Variants in MAGI2 observed in about 807,000 individuals in gnomAD.
MAGI2 encodes the protein membrane associated guanylate kinase, WW and PDZ domain containing 2, also known as membrane-associated guanylate kinase, WW and PDZ domain-containing protein 2.
A neutral mutation model predicts 133.3 loss-of-function variants in MAGI2; 35 were observed. The observed-to-expected ratio is 0.26, with a 90% CI of 0.20 to 0.35. The LOEUF is 0.35. Among genes scored for constraint, MAGI2 ranks in the 10% least tolerant of loss-of-function variants. The probability of loss-of-function intolerance (pLI) is 1.00; values close to 1 mark genes in which losing one functional copy is unlikely to be tolerated. For synonymous variants in MAGI2, 729 were observed against 710.6 expected, an observed-to-expected ratio of 1.03 and a Z score of -0.41; for missense variants, 1,636 against 1,863.4, an observed-to-expected ratio of 0.88 and a Z score of 2.25.
chr7:78,275,180 G>A (rs1794943499), intron 9 of MAGI2, among the ~76,000 whole-genome samples: 1 of 152,134 alleles, frequency 6.6e-6, no homozygotes, highest in Admixed American at 6.5e-5. Context: ...GTCTCTCATG[G>A]CTTCCCTTGG....
At chr7:78,808,965 C>T (rs563769244) in intron 2 of MAGI2, among the ~76,000 whole-genome samples, 4 of 152,346 alleles carry the variant, frequency 2.6e-5, no homozygotes, top group South Asian at 2.1e-4. Context: ...TCACTGCCTA[C>T]AGTCAATTAA....
Position 79,032,869 on chromosome 7 carries a change from A to G in MAGI2, c.302-25663T>C, listed in dbSNP as rs1461198545. On this transcript the variant is annotated intron_variant, in intron 1 of 21. Transcript: ENST00000354212. ...TCTGAAATCACTGTAACATTTCCAG[A>G]GGTCTTTTAAAGTTCTTTTGAGAAG... Among the ~76,000 whole-genome samples, 4 of 151,562 alleles carry G rather than the reference A, an allele frequency of 2.6e-5. No individual in the cohort carries two copies. The South Asian group carries it at 8.3e-4, about 31-fold the overall frequency.
rs774906968 is a variant in MAGI2, at chr7:78,201,207, A to C, written c.2048-14T>G. The C allele has an allele frequency of 7.0e-7, 1 of 1,427,908 alleles. No individual in the cohort carries two copies. Among genetic ancestry groups the C allele is most frequent in the Non-Finnish European group, 9.3e-7 (1 of 1,071,676 alleles). 88.5% of individuals were successfully genotyped at this position (1,427,908 alleles called of 1,614,324 possible). A position where few individuals can be genotyped will look rare whatever the true frequency, so the allele number is the denominator to read the frequency against. On this transcript the variant is annotated splice_polypyrimidine_tract_variant and intron_variant, in intron 10 of 21. Transcript: ENST00000354212. ...GAGAAAAGAAACCTGTAATAAAGAA[A>C]ACAATATTTGAACTTTGAAAATATT...
At chr7:78,085,577 C>CAT in intron 20 of MAGI2, among the ~76,000 whole-genome samples, 1 of 143,568 alleles carries the variant, frequency 7.0e-6, no homozygotes, top group Non-Finnish European at 1.5e-5. Context: ...CACACACACA[C>CAT]ACACAAACAA....
Position 78,167,926 on chromosome 7 carries a change from C to A in MAGI2, c.2586G>T (p.Val862=). ...GQVNLTVRRK[V]LCGGEPCPEN... The stretch of plus-strand genomic sequence containing the variant: ...GCTCCAGGTACATACCTCCACATAG[C>A]ACCTTTCTTCTCACAGTGAGGTTGA... The change falls in exon 15 of 22, where the codon GTG becomes GTT. Residue 862 remains valine, a synonymous_variant. Transcript: ENST00000354212. The A allele has an allele frequency of 6.2e-7, 1 of 1,614,002 alleles. No homozygotes were observed. Among genetic ancestry groups the A allele is most frequent in the Non-Finnish European group, 8.5e-7 (1 of 1,179,880 alleles).
intron 7 of MAGI2, among the ~76,000 whole-genome samples, chr7:78,361,542 G>A (rs1373542957): frequency 1.3e-5 from 2 of 151,928 alleles, no homozygotes; most frequent in Admixed American, 6.6e-5. Context: ...TTGGCTTTAG[G>A]ACAAAGAAAA....
intron 1 of MAGI2, among the ~76,000 whole-genome samples, chr7:79,207,203 C>T (rs1339651089): frequency 4.6e-5 from 7 of 151,862 alleles, no homozygotes. Context: ...CAATACAGTA[C>T]TGCACGTTCT....
At chr7:78,357,355 ATTTT>A (rs1323325928) in intron 7 of MAGI2, among the ~76,000 whole-genome samples, 2 of 152,122 alleles carry the variant, frequency 1.3e-5, no homozygotes, top group Admixed American at 1.3e-4. Context: ...AGCTATTAAT[ATTTT>A]TTTCTCTGGG....
intron 2 of MAGI2, among the ~76,000 whole-genome samples, chr7:78,687,935 A>T (rs1816518689): frequency 7.4e-6 from 1 of 134,816 alleles, no homozygotes; most frequent in South Asian, 2.6e-4. Flanking sequence ...GGGCCACTGT[A>T]CTCCAGTCTG....
chr7:78,226,943 T>C (rs958953775), intron 10 of MAGI2, among the ~76,000 whole-genome samples: 2 of 152,208 alleles, frequency 1.3e-5, no homozygotes, highest in African/African-American at 4.8e-5. Flanking sequence ...GGTTGGGACA[T>C]GCATGATTAA....
intron 1 of MAGI2, among the ~76,000 whole-genome samples, chr7:79,423,736 C>CA (rs1000471566): frequency 5.3e-5 from 8 of 152,042 alleles, no homozygotes; most frequent in African/African-American, 1.7e-4. Flanking sequence ...GTCATTCAAT[C>CA]AACCAATCTT....
At chr7:78,741,959 C>T (rs1044720427) in intron 2 of MAGI2, among the ~76,000 whole-genome samples, 2 of 151,696 alleles carry the variant, frequency 1.3e-5, no homozygotes, top group Admixed American at 6.6e-5. Context: ...TCCTAATAAT[C>T]CTGATTACTG....
At chr7:78,240,717 T>C (rs995858006) in intron 10 of MAGI2, among the ~76,000 whole-genome samples, 1 of 152,166 alleles carries the variant, frequency 6.6e-6, no homozygotes, top group African/African-American at 2.4e-5. Context: ...AGAGATCTAT[T>C]GTGCAGCATG....
chr7:78,489,127 C>A (rs940847277), intron 6 of MAGI2, among the ~76,000 whole-genome samples: 7 of 152,020 alleles, frequency 4.6e-5, no homozygotes, highest in African/African-American at 1.4e-4. Flanking sequence ...ACTTCACCCA[C>A]ATAATTTATG....
At chr7:78,451,374 C>T (rs777449164) in intron 6 of MAGI2, among the ~76,000 whole-genome samples, 3 of 152,060 alleles carry the variant, frequency 2.0e-5, no homozygotes, top group Non-Finnish European at 4.4e-5. Flanking sequence ...TGCTTTTTAA[C>T]CTACTTAACA....
intron 1 of MAGI2, among the ~76,000 whole-genome samples, chr7:79,085,198 T>C (rs992766768): frequency 2.0e-5 from 3 of 151,844 alleles, no homozygotes; most frequent in African/African-American, 7.2e-5. Context: ...GACTGAAAAT[T>C]CTCAATGTAT....
intron 1 of MAGI2, among the ~76,000 whole-genome samples, chr7:79,442,626 C>T (rs913048635): frequency 9.2e-5 from 14 of 152,086 alleles, no homozygotes; most frequent in Admixed American, 6.6e-4. Flanking sequence ...TCAGAAGAAA[C>T]ACTAAGAAAG....
At chr7:78,507,869 A>G (rs1795222933) in intron 4 of MAGI2, among the ~76,000 whole-genome samples, 1 of 152,232 alleles carries the variant, frequency 6.6e-6, no homozygotes, top group African/African-American at 2.4e-5. Context: ...ATGATATGTA[A>G]TAATTTTCTA....
Position 78,725,763 on chromosome 7 carries a change from C to T in MAGI2, c.419-98524G>A, listed in dbSNP as rs1396415749. ...GCAGTGAGCCGAGATTGCGCCACTGCGCTCCAGCCTGGGCGTCAGAGGGAA... is the reference window on the plus strand; with the variant it reads ...GCAGTGAGCCGAGATTGCGCCACTGTGCTCCAGCCTGGGCGTCAGAGGGAA... On this transcript the variant is annotated intron_variant, in intron 2 of 21. Transcript: ENST00000354212. Among the ~76,000 whole-genome samples, 3 of 152,196 alleles carry T rather than the reference C, an allele frequency of 2.0e-5. No individual in the cohort carries two copies. The East Asian group carries it at 5.8e-4, about 29-fold the overall frequency.
Sources: allele counts gnomAD v4.1 joint callset (sites outside exome capture counted in the v4.1 genomes callset), GRCh38; gene constraint gnomAD v4.1.1; transcripts MANE v1.5; gene names NCBI Gene and HGNC (gene_info 2026-07-23, HGNC 2026-07-21).